CEP164: variants seen among roughly 807,000 people sequenced by gnomAD.
The protein encoded by CEP164 is centrosomal protein 164.
CEP164 carries 162 observed loss-of-function variants against 182.7 expected under a neutral mutation model. The ratio of observed to expected loss-of-function variants is 0.89; its 90% CI spans 0.78 to 1.01. CEP164 has a LOEUF of 1.01. CEP164 is among the 50% of genes least tolerant of loss of function. The probability of loss-of-function intolerance (pLI) is 0.00; values close to 1 mark genes in which losing one functional copy is unlikely to be tolerated. For synonymous variants in CEP164, 661 were observed against 690.0 expected (o/e 0.96, Z 0.66); for missense variants, 1,735 against 1,790.4 (o/e 0.97, Z 0.56).
chr11:117,401,369 T>C (rs903599123), intron 27 of CEP164, among the ~76,000 whole-genome samples: 2 of 152,158 alleles, frequency 1.3e-5, no homozygotes, highest in Non-Finnish European at 2.9e-5. Context: ...CTTTTTGATG[T>C]GCTGCTAGAT....
At position 117,407,496 on chromosome 11, in the gene CEP164, G is replaced by GA. The variant is rs1305693765; in HGVS notation, c.3502-419dup. Among the ~76,000 whole-genome samples the GA allele has an allele frequency of 1.5e-3, 180 of 119,618 alleles. 5 individuals are homozygous for GA. The highest frequency in any genetic ancestry group is 9.5e-3 in the Admixed American group (115 of 12,048). The allele number at this position is 119,618 out of a possible 152,430, so 78.5% of individuals were successfully genotyped here. On this transcript the variant is annotated intron_variant, in intron 27 of 32. Coordinates refer to ENST00000278935, the MANE Select transcript of CEP164 (RefSeq NM_014956.5). Reference sequence around the variant, plus strand: ...AAAAAAAAAAGAGAAAAAGAAAAAAGAAAAAAAAAAGCCAGGTGTGGTGGC... The same window carrying GA: ...AAAAAAAAAAGAGAAAAAGAAAAAAGAAAAAAAAAAAGCCAGGTGTGGTGGC...
intron 5 of CEP164, among the ~76,000 whole-genome samples, chr11:117,357,844 G>A (rs1178765530): frequency 6.6e-6 from 1 of 152,192 alleles, no homozygotes; most frequent in African/African-American, 2.4e-5. Context: ...TGTCAGGCTT[G>A]TGTAGACCAT....
upstream of CEP164, among the ~76,000 whole-genome samples, chr11:117,327,543 C>T (rs2035530016): frequency 1.3e-5 from 2 of 151,176 alleles, no homozygotes; most frequent in Non-Finnish European, 1.5e-5. Flanking sequence ...CTCAGGTGAC[C>T]CACCCGCCTC....
In CEP164 at chr11:117,411,794, G is replaced by A; in HGVS notation, c.4164-1G>A. On this transcript the variant is annotated splice_acceptor_variant, in intron 31 of 32. Transcript: ENST00000278935. LOFTEE classifies it high-confidence loss of function. This position sits in a 1 kb window ranked among gnomAD's most constrained non-coding sequence, Gnocchi z 4.4. ...CGCCATGCTCTCCTCTTCCTTCCCA[G>A]TGAGCAGCTCCGGCTCCTACAGCAC... 6.2e-7 allele frequency: 1 copy of A among 1,614,112 alleles called. No individual in the cohort carries two copies. The highest frequency in any genetic ancestry group is 8.5e-7 in the Non-Finnish European group (1 of 1,179,990).
intron 8 of CEP164, 41 bp downstream of exon 8, chr11:117,363,547 C>G: frequency 3.6e-6 from 5 of 1,395,750 alleles, no homozygotes; most frequent in Non-Finnish European, 5.1e-6. Flanking sequence ...GTCAGCCTGG[C>G]ATATCCCTCC....
Position 117,394,628 on chromosome 11 carries a change from C to T in CEP164, c.2760+135C>T, listed in dbSNP as rs1329899239. 8.4e-7 allele frequency: 1 copy of T among 1,197,544 alleles called. No individual in the cohort carries two copies. The highest frequency in any genetic ancestry group is 1.5e-5 in the African/African-American group (1 of 65,412). The allele number at this position is 1,197,544 out of a possible 1,614,324, so 74.2% of individuals were successfully genotyped here. A position where few individuals can be genotyped will look rare whatever the true frequency, so the allele number is the denominator to read the frequency against. ...GTGAGAGTCTCTCACTGGCCATCTC[C>T]AAGCTGGGGCATCCTTGTTACTTTG... On this transcript the variant is annotated intron_variant, in intron 21 of 32. Coordinates refer to ENST00000278935, the MANE Select transcript of CEP164 (RefSeq NM_014956.5). This position sits in a 1 kb window ranked among gnomAD's most constrained non-coding sequence, Gnocchi z 4.0.
chr11:117,403,003 T>C (rs2046312570), intron 27 of CEP164, among the ~76,000 whole-genome samples: 1 of 152,382 alleles, frequency 6.6e-6, no homozygotes, highest in Non-Finnish European at 1.5e-5. Context: ...CTGCCTCTTT[T>C]TGCTTTCCAT....
At chr11:117,356,851 T>C (rs2040356006) in intron 5 of CEP164, among the ~76,000 whole-genome samples, 1 of 152,214 alleles carries the variant, frequency 6.6e-6, no homozygotes, top group African/African-American at 2.4e-5. Context: ...TTCCCTTCCC[T>C]GGCTGTAATT....
chr11:117,324,417 A>C (rs1164033814), upstream of CEP164, among the ~76,000 whole-genome samples: 1 of 151,264 alleles, frequency 6.6e-6, no homozygotes, highest in East Asian at 1.9e-4. Context: ...ACTGCACTCC[A>C]GCCTGGGCAA....
At chr11:117,342,585 C>T (rs1307415452) in intron 3 of CEP164, among the ~76,000 whole-genome samples, 1 of 152,168 alleles carries the variant, frequency 6.6e-6, no homozygotes, top group East Asian at 1.9e-4. Flanking sequence ...AAGCGATTCT[C>T]CTGCCTCAGC....
intron 26 of CEP164, 142 bp from the exon 27 acceptor site, chr11:117,396,949 A>G: frequency 2.7e-6 from 2 of 735,772 alleles, no homozygotes; most frequent in South Asian, 3.8e-5. Flanking sequence ...GAACAGTGGC[A>G]TCCCTGCACT....
intron 27 of CEP164, among the ~76,000 whole-genome samples, chr11:117,402,979 T>C (rs1211543227): frequency 6.6e-6 from 1 of 152,262 alleles, no homozygotes; most frequent in African/African-American, 2.4e-5. Context: ...TATCAGAGAC[T>C]AGGATTGCAA....
At position 117,411,912 on chromosome 11, in the gene CEP164, C is replaced by T. The variant is rs2047400194; in HGVS notation, c.4281C>T (p.Pro1427=). 2 of 1,613,990 alleles carry T rather than the reference C, an allele frequency of 1.2e-6. No individual in the cohort carries two copies. Among genetic ancestry groups the T allele is most frequent in the Non-Finnish European group, 1.7e-6 (2 of 1,180,014 alleles). ...RRWLERVKND[P]RLPLFSSTPK... is the part of the protein sequence containing the mutation. ...GGCTGGAACGTGTCAAGAATGACCC[C>T]AGGTTGTATCCTTTTACCTGGTTCC... Residue 1427 remains proline, a synonymous_variant, in exon 32 of 33, where the codon CCC becomes CCT. Transcript: ENST00000278935. The surrounding 1 kb of genome is among the most constrained non-coding windows in gnomAD (Gnocchi z 4.4).
At chr11:117,373,902 T>TC in intron 10 of CEP164, 71 bp downstream of exon 10, 1 of 1,356,862 alleles carries the variant, frequency 7.4e-7, no homozygotes, top group Non-Finnish European at 1.1e-6. Flanking sequence ...GGTTAAGTAA[T>TC]TTGCCTAGCA....
In CEP164 at chr11:117,394,616, A is replaced by G. The variant is rs1285805478; in HGVS notation, c.2760+123A>G. 7.6e-7 allele frequency: 1 copy of G among 1,307,600 alleles called. No homozygotes were observed. The highest frequency in any genetic ancestry group is 1.5e-5 in the African/African-American group (1 of 67,714). The allele number at this position is 1,307,600 out of a possible 1,614,324, so 81.0% of individuals were successfully genotyped here. A position where few individuals can be genotyped will look rare whatever the true frequency, so the allele number is the denominator to read the frequency against. On this transcript the variant is annotated intron_variant, in intron 21 of 32. Coordinates refer to ENST00000278935, the MANE Select transcript of CEP164 (RefSeq NM_014956.5). The surrounding 1 kb of genome is among the most constrained non-coding windows in gnomAD (Gnocchi z 4.0). ...ACAGCTTCTGGAGTGAGAGTCTCTCACTGGCCATCTCCAAGCTGGGGCATC... is the reference window on the plus strand; with the variant it reads ...ACAGCTTCTGGAGTGAGAGTCTCTCGCTGGCCATCTCCAAGCTGGGGCATC...
At position 117,366,905 on chromosome 11, in the gene CEP164, A is replaced by G. The variant is rs3781983; in HGVS notation, c.765+3399A>G. 8.9e-4 allele frequency among the ~76,000 whole-genome samples: 135 copies of G among 152,258 alleles called. 1 individual carries two copies. Among genetic ancestry groups the G allele is most frequent in the Admixed American group, 4.7e-3 (72 of 15,302 alleles). ...TAAATATTCATGAAATGATTCTTAT[A>G]AGCTCTCTCCTGCTCTCTCCTCCTG... On this transcript the variant is annotated intron_variant, in intron 8 of 32. Coordinates refer to ENST00000278935, the MANE Select transcript of CEP164 (RefSeq NM_014956.5).
chr11:117,328,543 TACTCGGCGC>T (rs2035678471), intron 1 of CEP164, among the ~76,000 whole-genome samples: 1 of 152,224 alleles, frequency 6.6e-6, no homozygotes, highest in Non-Finnish European at 1.5e-5. Context: ...AGCTCCCTTC[TACTCGGCGC>T]ACTCCATCTC....
chr11:117,396,126 C>T lies in CEP164; in HGVS notation c.3162C>T (p.Ser1054=), dbSNP rs777528751. ...REVTVEENNA[S]PHFEPDLHIE... ...TGACAGTTGAGGAAAATAATGCTTC[C>T]CCACATTTTGAGCCAGATCTCCATA... is the stretch of plus-strand genomic sequence containing the variant. Residue 1054 remains serine, a synonymous_variant, in exon 25 of 33, where the codon TCC becomes TCT. Coordinates refer to ENST00000278935, the MANE Select transcript of CEP164 (RefSeq NM_014956.5). 58 of 1,614,018 alleles carry T rather than the reference C, an allele frequency of 3.6e-5. No individual in the cohort carries two copies. Among genetic ancestry groups the T allele is most frequent in the Non-Finnish European group, 4.7e-5 (55 of 1,180,022 alleles).
At chr11:117,354,527 C>G (rs1247365926) in intron 5 of CEP164, among the ~76,000 whole-genome samples, 1 of 152,096 alleles carries the variant, frequency 6.6e-6, no homozygotes. Flanking sequence ...GACGCCTCTT[C>G]TCTGTCACAT....
Sources: gnomAD v4.1 joint callset for allele counts (sites outside exome capture counted in the v4.1 genomes callset) on GRCh38, gnomAD v4.1.1 for gene constraint, Gnocchi (gnomAD v3.1) non-coding constraint, MANE v1.5 for transcripts, NCBI Gene and HGNC (gene_info 2026-07-23, HGNC 2026-07-21) for gene names.